Variants in SYT17 observed in about 807,000 individuals in gnomAD.
SYT17 encodes the protein synaptotagmin-17.
SYT17 carries 22 observed loss-of-function variants against 46.7 expected under a neutral mutation model. The observed-to-expected ratio is 0.47, with a 90% CI of 0.34 to 0.67. The LOEUF is 0.67. Ranked by LOEUF, SYT17 falls within the 30% of genes least tolerant of loss-of-function variation. The pLI, the probability that SYT17 is intolerant of heterozygous loss-of-function variation, is 0.01. For missense variants in SYT17, 519 were observed against 612.8 expected, an observed-to-expected ratio of 0.85 and a Z score of 1.62; for synonymous variants, 251 against 248.4, an observed-to-expected ratio of 1.01 and a Z score of -0.10.
chr16:19,196,962 C>G (rs1170147811), intron 5 of SYT17, among the ~76,000 whole-genome samples: 1 of 152,192 alleles, frequency 6.6e-6, no homozygotes, highest in African/African-American at 2.4e-5. Flanking sequence ...CCCCAGCCTG[C>G]CTTGTCAGCT....
chr16:19,199,815 G>A (rs144863032), intron 5 of SYT17, among the ~76,000 whole-genome samples: 123 of 152,280 alleles, frequency 8.1e-4, no homozygotes, highest in African/African-American at 2.0e-3. Context: ...TAAGAAAAAC[G>A]TCTTTACATT....
intron 5 of SYT17, among the ~76,000 whole-genome samples, chr16:19,203,984 T>A: frequency 6.6e-6 from 1 of 152,190 alleles, no homozygotes; most frequent in East Asian, 1.9e-4. Context: ...CCATGGATCT[T>A]AGCGCTTATC....
chr16:19,194,371 C>T (rs189522227), intron 5 of SYT17, among the ~76,000 whole-genome samples: 2 of 152,282 alleles, frequency 1.3e-5, no homozygotes, highest in Admixed American at 6.5e-5. Flanking sequence ...ACCACCTCTC[C>T]GCCTCTCACA....
At chr16:19,251,255 G>A (rs866087408) in intron 7 of SYT17, among the ~76,000 whole-genome samples, 1 of 152,114 alleles carries the variant, frequency 6.6e-6, no homozygotes, top group African/African-American at 2.4e-5. Flanking sequence ...TTCAAATCCC[G>A]CTCTACCACT....
In SYT17 at chr16:19,227,731, C is replaced by T. The variant is rs1596984891; in HGVS notation, c.1228+2893C>T. Among the ~76,000 whole-genome samples, 3 of 152,258 alleles carry T rather than the reference C, an allele frequency of 2.0e-5. No individual in the cohort carries two copies. The South Asian group carries it at 6.2e-4, about 32-fold the overall frequency. On this transcript the variant is annotated intron_variant, in intron 7 of 7. Transcript: ENST00000355377. Reference sequence around the variant, plus strand: ...TTTCCTTGTTCACACAAACAATATCCACATACAGAGGGTTCTGTTCCTTTA... The same window carrying T: ...TTTCCTTGTTCACACAAACAATATCTACATACAGAGGGTTCTGTTCCTTTA...
In SYT17 at chr16:19,183,895, C is replaced by A. The variant is rs1201379674; in HGVS notation, c.699C>A (p.Ile233=). The change falls in exon 5 of 8, where the codon ATC becomes ATA. Residue 233 remains isoleucine (I), a synonymous_variant. Coordinates refer to ENST00000355377, the MANE Select transcript of SYT17 (RefSeq NM_016524.4). This position sits in a 1 kb window ranked among gnomAD's most constrained non-coding sequence, Gnocchi z 5.6. ...DMAHSNPYVK[I]CLLPDQKNSK... ...CGCACTCCAACCCCTACGTCAAGAT[C>A]TGTCTCCTGCCAGACCAGAAGAACT... The A allele has an allele frequency of 3.1e-6, 5 of 1,614,108 alleles. No homozygotes were observed. The highest frequency in any genetic ancestry group is 4.2e-6 in the Non-Finnish European group (5 of 1,180,058).
intron 7 of SYT17, among the ~76,000 whole-genome samples, chr16:19,234,918 A>G (rs1018039783): frequency 6.6e-6 from 1 of 152,230 alleles, no homozygotes; most frequent in African/African-American, 2.4e-5. Context: ...CCTGTTCACC[A>G]TCATTCCAAA....
intron 7 of SYT17, among the ~76,000 whole-genome samples, chr16:19,240,007 G>A (rs148518603): frequency 0.011 from 1,661 of 152,304 alleles, 39 homozygotes; most frequent in African/African-American, 0.038. Flanking sequence ...GGCTGGCACC[G>A]GGGAACACAG....
Position 19,203,217 on chromosome 16 carries a change from G to T in SYT17, c.951+19070G>T, listed in dbSNP as rs185074515. On this transcript the variant is annotated intron_variant, in intron 5 of 7. Coordinates refer to ENST00000355377, the MANE Select transcript of SYT17 (RefSeq NM_016524.4). Reference sequence around the variant, plus strand: ...AATAAAGGAAAGCACTTGGCCAGGCGCAGTGGCTCACGCCTGTAATCCCAG... The same window carrying T: ...AATAAAGGAAAGCACTTGGCCAGGCTCAGTGGCTCACGCCTGTAATCCCAG... Among the ~76,000 whole-genome samples the T allele has an allele frequency of 9.2e-5, 14 of 152,182 alleles. No homozygotes were observed. In the East Asian group the frequency reaches 2.7e-3, roughly 29 times the overall value.
In SYT17 at chr16:19,168,507, G is replaced by T; in HGVS notation, c.-140G>T. On this transcript the variant is annotated 5_prime_UTR_variant, in exon 1 of 8. Transcript: ENST00000355377. This position sits in a 1 kb window ranked among gnomAD's most constrained non-coding sequence, Gnocchi z 6.9. Reference sequence around the variant, plus strand: ...GCGGAGGGGCGGGCGCCGCTCATCAGCCACGCCAGTCACGTCTGGGGCCAC... The same window carrying T: ...GCGGAGGGGCGGGCGCCGCTCATCATCCACGCCAGTCACGTCTGGGGCCAC... The T allele has an allele frequency of 8.1e-7, 1 of 1,229,422 alleles. No homozygotes were observed. Among genetic ancestry groups the T allele is most frequent in the Non-Finnish European group, 1.1e-6 (1 of 886,520 alleles). The allele number at this position is 1,229,422 out of a possible 1,614,324, so 76.2% of individuals were successfully genotyped here.
intron 5 of SYT17, among the ~76,000 whole-genome samples, chr16:19,222,691 G>A (rs929792354): frequency 2.6e-5 from 4 of 152,062 alleles, no homozygotes; most frequent in Non-Finnish European, 5.9e-5. Flanking sequence ...TGTGAGCCTC[G>A]GTTTCCTCAT....
chr16:19,201,740 G>A (rs189172246), intron 5 of SYT17, among the ~76,000 whole-genome samples: 2 of 151,608 alleles, frequency 1.3e-5, no homozygotes, highest in Admixed American at 1.3e-4. Context: ...TAGTGGGTAA[G>A]GGAGTAGGCT....
intron 5 of SYT17, among the ~76,000 whole-genome samples, chr16:19,214,755 C>T (rs776249632): frequency 3.3e-5 from 5 of 151,674 alleles, no homozygotes; most frequent in South Asian, 2.1e-4. Context: ...AAAATTATGG[C>T]GCTGCTCACC....
At chr16:19,257,188 T>C (rs907543657) in intron 7 of SYT17, among the ~76,000 whole-genome samples, 2 of 151,632 alleles carry the variant, frequency 1.3e-5, no homozygotes, top group Admixed American at 6.6e-5. Flanking sequence ...AGGAAAAACA[T>C]GAAAAAAAAG....
At chr16:19,191,658 T>C (rs1479112089) in intron 5 of SYT17, among the ~76,000 whole-genome samples, 1 of 152,192 alleles carries the variant, frequency 6.6e-6, no homozygotes, top group African/African-American at 2.4e-5. Context: ...GATAGATGGA[T>C]AGGGAAGAAG....
intron 7 of SYT17, among the ~76,000 whole-genome samples, chr16:19,231,523 CAA>C (rs143448107): frequency 1.3e-4 from 6 of 45,852 alleles, no homozygotes; most frequent in African/African-American, 3.6e-4. Flanking sequence ...AACTCCATCA[CAA>C]AAAAAAAAAA....
intron 7 of SYT17, among the ~76,000 whole-genome samples, chr16:19,241,621 A>G (rs747090991): frequency 6.6e-5 from 10 of 152,244 alleles, no homozygotes; most frequent in South Asian, 4.1e-4. Flanking sequence ...CCACTGGTGG[A>G]TGGCTCAGCC....
chr16:19,218,494 A>G (rs1966179666), intron 5 of SYT17, among the ~76,000 whole-genome samples: 1 of 152,196 alleles, frequency 6.6e-6, no homozygotes, highest in Non-Finnish European at 1.5e-5. Flanking sequence ...TGTATCTGCA[A>G]AGGGAAGAAG....
chr16:19,264,280 A>T (rs1219165653), intron 7 of SYT17, among the ~76,000 whole-genome samples: 1 of 152,206 alleles, frequency 6.6e-6, no homozygotes, highest in African/African-American at 2.4e-5. Context: ...CCCTTTTTGC[A>T]CAAAAGCAGC....
Sources: gnomAD v4.1 joint callset for allele counts (sites outside exome capture counted in the v4.1 genomes callset) on GRCh38, gnomAD v4.1.1 for gene constraint, Gnocchi (gnomAD v3.1) non-coding constraint, MANE v1.5 for transcripts, NCBI Gene and HGNC (gene_info 2026-07-23, HGNC 2026-07-21) for gene names.